The following ATL3 variants were observed in gnomAD, a reference collection of about 807,000 sequenced individuals.
ATL3 encodes the protein atlastin-3.
ATL3 carries 49 observed loss-of-function variants against 69.5 expected under a neutral mutation model. The ratio of observed to expected loss-of-function variants is 0.71; its 90% CI spans 0.56 to 0.89. ATL3 has a LOEUF of 0.89. Ranked by LOEUF, ATL3 falls within the 40% of genes least tolerant of loss-of-function variation. ATL3 has a pLI of 0.00. For synonymous variants in ATL3, 214 were observed against 224.1 expected (o/e 0.95, Z 0.40); for missense variants, 606 against 645.7 (o/e 0.94, Z 0.67).
intron 10 of ATL3, 58 bp downstream of exon 10, chr11:63,635,476 A>G: frequency 7.2e-7 from 1 of 1,394,390 alleles, no homozygotes; most frequent in Non-Finnish European, 1.0e-6. Context: ...TGCTTATTGT[A>G]TACAGGTCAA....
chr11:63,664,733 G>A (rs921067774), intron 1 of ATL3, among the ~76,000 whole-genome samples: 18 of 149,798 alleles, frequency 1.2e-4, no homozygotes, highest in African/African-American at 4.2e-4. Flanking sequence ...AGCGACTCCC[G>A]AGCAGCTGGG....
intron 1 of ATL3, among the ~76,000 whole-genome samples, chr11:63,663,102 CA>C (rs963576682): frequency 6.6e-6 from 1 of 151,860 alleles, no homozygotes; most frequent in Non-Finnish European, 1.5e-5. Context: ...TATCAGATAG[CA>C]ACAGAAGGGT....
intron 3 of ATL3, among the ~76,000 whole-genome samples, chr11:63,658,405 A>C (rs1940323569): frequency 6.6e-6 from 1 of 152,240 alleles, no homozygotes; most frequent in African/African-American, 2.4e-5. Flanking sequence ...GAGTCTAAAA[A>C]TGCTACATAG....
intron 9 of ATL3, 119 bp from the exon 10 acceptor site, chr11:63,635,709 G>A (rs1939492190): frequency 1.3e-6 from 1 of 743,616 alleles, no homozygotes; most frequent in Admixed American, 2.8e-5. Context: ...TCAACAACCA[G>A]GAATTAGCAA....
chr11:63,657,378 G>C (rs1317471364), intron 3 of ATL3, among the ~76,000 whole-genome samples: 1 of 152,200 alleles, frequency 6.6e-6, no homozygotes, highest in Admixed American at 6.5e-5. Flanking sequence ...ACAAGGCATA[G>C]ATGAGACTGG....
intron 11 of ATL3, chr11:63,632,534 A>G: frequency 1.2e-6 from 1 of 860,942 alleles, no homozygotes; most frequent in South Asian, 1.3e-5. Flanking sequence ...TTTAAAAGCT[A>G]CAGTTATGTC....
intron 1 of ATL3, among the ~76,000 whole-genome samples, chr11:63,661,183 C>G (rs1347920002): frequency 1.4e-4 from 21 of 148,152 alleles, no homozygotes. Flanking sequence ...GATCGCGCCA[C>G]TGCACTCCAG....
At chr11:63,668,240 T>C (rs1940638641) in intron 1 of ATL3, among the ~76,000 whole-genome samples, 1 of 152,216 alleles carries the variant, frequency 6.6e-6, no homozygotes, top group African/African-American at 2.4e-5. Context: ...TGCCTTGTTC[T>C]TGCTGGCAGT....
chr11:63,671,585 C>T, upstream of ATL3: 2 of 1,428,078 alleles, frequency 1.4e-6, no homozygotes, highest in East Asian at 3.0e-5. Flanking sequence ...GCGCACGCGG[C>T]AGAATCCCGC....
chr11:63,659,333 A>T, intron 1 of ATL3, 81 bp from the exon 2 acceptor site: 1 of 1,248,220 alleles, frequency 8.0e-7, no homozygotes, highest in Non-Finnish European at 1.1e-6. Flanking sequence ...AAACTTCTTA[A>T]ACAGGGGACA....
chr11:63,637,160 C>T (rs1272808797), intron 8 of ATL3, among the ~76,000 whole-genome samples: 1 of 151,916 alleles, frequency 6.6e-6, no homozygotes, highest in Admixed American at 6.6e-5. Context: ...ACCTGTAATC[C>T]CAGCTACTCG....
Position 63,625,237 on chromosome 11 carries a change from C to T in ATL3, c.*4082G>A, listed in dbSNP as rs1939067095. The T allele has an allele frequency of 6.6e-6, 1 of 151,994 alleles. No individual in the cohort carries two copies. Among genetic ancestry groups the T allele is most frequent in the Non-Finnish European group, 1.5e-5 (1 of 68,018 alleles). The allele number at this position is 151,994 out of a possible 1,614,324, so 9.4% of individuals were successfully genotyped here. ...TAACTGAAGCTTGTCTTCATTATGC[C>T]CTTATCCCTTGACTAGAATTTTGTT... On this transcript the variant is annotated 3_prime_UTR_variant, in exon 13 of 13. Coordinates refer to ENST00000398868, the MANE Select transcript of ATL3 (RefSeq NM_015459.5).
At chr11:63,653,265 G>A (rs766972672) in intron 3 of ATL3, among the ~76,000 whole-genome samples, 72 of 152,144 alleles carry the variant, frequency 4.7e-4, no homozygotes, top group Admixed American at 2.3e-3. Context: ...TCCAGAGTTC[G>A]AGACCAGCCC....
chr11:63,641,348 AT>A (rs1174360894), intron 8 of ATL3, among the ~76,000 whole-genome samples: 1 of 152,214 alleles, frequency 6.6e-6, no homozygotes, highest in African/African-American at 2.4e-5. Flanking sequence ...GTTGAACAGC[AT>A]CCCCCTCCCC....
chr11:63,644,284 A>G (rs913510947), intron 6 of ATL3, 23 bp from the exon 7 acceptor site: 3 of 1,403,752 alleles, frequency 2.1e-6, no homozygotes, highest in Non-Finnish European at 3.0e-6. Context: ...AGAGCGGAAC[A>G]TATTTTAACA....
intron 1 of ATL3, chr11:63,670,468 C>G (rs575409545): frequency 6.6e-6 from 1 of 152,170 alleles, no homozygotes; most frequent in Non-Finnish European, 1.5e-5. Context: ...TTTTGCTCTT[C>G]GATTTCGCAA....
intron 11 of ATL3, 27 bp from the exon 12 acceptor site, chr11:63,631,498 T>TA (rs1194235030): frequency 6.5e-7 from 1 of 1,545,918 alleles, no homozygotes; most frequent in Admixed American, 2.1e-5. Flanking sequence ...AACAATATGT[T>TA]AAAAGATCTC....
intron 5 of ATL3, among the ~76,000 whole-genome samples, 184 bp from the exon 6 acceptor site, chr11:63,646,747 A>C (rs1330321079): frequency 6.6e-6 from 1 of 152,142 alleles, no homozygotes; most frequent in Admixed American, 6.6e-5. Context: ...ATCCCAATTC[A>C]TCAACAAATC....
In ATL3 at chr11:63,625,750, G is replaced by A. The variant is rs1939086955; in HGVS notation, c.*3569C>T. On this transcript the variant is annotated 3_prime_UTR_variant, in exon 13 of 13. Transcript: ENST00000398868. ...CGCCTGTAATCCCAGCACCCTGGAA[G>A]GCCAAGACAGGCGGATTCCCAGAGG... 1.3e-5 allele frequency: 2 copies of A among 152,296 alleles called. No individual in the cohort carries two copies. The highest frequency in any genetic ancestry group is 4.1e-4 in the South Asian group (2 of 4,832). 9.4% of individuals were successfully genotyped at this position (152,296 alleles called of 1,614,324 possible).
Sources: allele counts gnomAD v4.1 joint callset (sites outside exome capture counted in the v4.1 genomes callset), GRCh38; gene constraint gnomAD v4.1.1; transcripts MANE v1.5; gene names NCBI Gene and HGNC (gene_info 2026-07-23, HGNC 2026-07-21).